NAALADL2: variants seen among roughly 807,000 people sequenced by gnomAD.
The protein encoded by NAALADL2 is N-acetylated alpha-linked acidic dipeptidase like 2.
In NAALADL2, 76 loss-of-function variants were observed where a neutral mutation model predicts 87.2. The ratio of observed to expected loss-of-function variants is 0.87; its 90% CI spans 0.72 to 1.05. NAALADL2 has a LOEUF of 1.05. Among genes scored for constraint, NAALADL2 ranks in the 50% least tolerant of loss-of-function variants. NAALADL2 has a pLI of 0.00. For missense variants in NAALADL2, 1,089 were observed against 945.8 expected (o/e 1.15, Z -1.99); for synonymous variants, 354 against 331.0 (o/e 1.07, Z -0.75).
intron 9 of NAALADL2, among the ~76,000 whole-genome samples, chr3:175,519,446 G>A (rs548694747): frequency 1.4e-3 from 206 of 152,228 alleles, no homozygotes; most frequent in Non-Finnish European, 1.2e-3. Flanking sequence ...TTTCAACATG[G>A]GTTTTGGAAG....
chr3:175,260,464 G>A (rs1212275825), intron 4 of NAALADL2, among the ~76,000 whole-genome samples: 1 of 152,078 alleles, frequency 6.6e-6, no homozygotes, highest in Non-Finnish European at 1.5e-5. Context: ...CATTCCATTG[G>A]TAAGAAAAAG....
chr3:175,199,864 A>ATTTTT (rs869050569), intron 2 of NAALADL2, among the ~76,000 whole-genome samples: 5 of 13,052 alleles, frequency 3.8e-4, no homozygotes, highest in Non-Finnish European at 5.8e-4. Flanking sequence ...ATATATATAT[A>ATTTTT]TTTTTTTTTT....
At chr3:175,739,865 C>T (rs1390111612) in intron 12 of NAALADL2, among the ~76,000 whole-genome samples, 1 of 152,158 alleles carries the variant, frequency 6.6e-6, no homozygotes, top group Non-Finnish European at 1.5e-5. Flanking sequence ...ATATCAATCA[C>T]TAAATGCCAT....
chr3:175,670,503 T>A (rs1733824300), intron 11 of NAALADL2, among the ~76,000 whole-genome samples: 1 of 61,134 alleles, frequency 1.6e-5, no homozygotes. Flanking sequence ...ATTTAATATA[T>A]TTATATTAAA....
intron 3 of NAALADL2, among the ~76,000 whole-genome samples, chr3:174,824,795 A>G (rs1721803063): frequency 6.6e-6 from 1 of 152,230 alleles, no homozygotes; most frequent in Non-Finnish European, 1.5e-5. Context: ...CAAAATGGCC[A>G]TACTGTTCCT....
chr3:174,807,296 C>G (rs930120142), intron 3 of NAALADL2, among the ~76,000 whole-genome samples: 2 of 151,078 alleles, frequency 1.3e-5, no homozygotes, highest in Non-Finnish European at 2.9e-5. Flanking sequence ...ACAGAACTTG[C>G]ACAGTGAAGT....
chr3:175,762,742 C>A (rs1748186420), intron 13 of NAALADL2, among the ~76,000 whole-genome samples: 1 of 152,056 alleles, frequency 6.6e-6, no homozygotes, highest in Non-Finnish European at 1.5e-5. Flanking sequence ...GCAACATCTT[C>A]ATAGAAAATA....
At chr3:174,876,313 C>G (rs1247594883) in intron 1 of NAALADL2, among the ~76,000 whole-genome samples, 1 of 152,062 alleles carries the variant, frequency 6.6e-6, no homozygotes, top group Non-Finnish European at 1.5e-5. Context: ...TTGATATTTT[C>G]TTTGTTTGTT....
intron 1 of NAALADL2, among the ~76,000 whole-genome samples, chr3:174,993,203 G>A (rs376828205): frequency 1.8e-4 from 27 of 152,126 alleles, no homozygotes; most frequent in South Asian, 2.1e-4. Context: ...AGTAAGAGCC[G>A]TAGAAAAGAA....
At chr3:175,016,576 T>A (rs564437599) in intron 1 of NAALADL2, among the ~76,000 whole-genome samples, 3 of 151,714 alleles carry the variant, frequency 2.0e-5, no homozygotes, top group African/African-American at 4.8e-5. Flanking sequence ...TTAAAAAAAA[T>A]TTAATTTGTG....
intron 4 of NAALADL2, among the ~76,000 whole-genome samples, chr3:175,277,367 C>CA (rs1376687552): frequency 6.6e-6 from 1 of 152,154 alleles, no homozygotes; most frequent in Non-Finnish European, 1.5e-5. Flanking sequence ...TAAACTGTAT[C>CA]ATGAGATTAT....
intron 1 of NAALADL2, among the ~76,000 whole-genome samples, chr3:174,900,139 G>T (rs1732135726): frequency 6.6e-6 from 1 of 151,898 alleles, no homozygotes; most frequent in Admixed American, 6.6e-5. Flanking sequence ...CATTTACAAA[G>T]CACCAATAAT....
chr3:175,559,049 A>T (rs1175065829), intron 9 of NAALADL2, among the ~76,000 whole-genome samples: 1 of 152,078 alleles, frequency 6.6e-6, no homozygotes, highest in Non-Finnish European at 1.5e-5. Context: ...GATTTTTTTC[A>T]ATATATGAAC....
intron 1 of NAALADL2, among the ~76,000 whole-genome samples, chr3:174,953,611 C>T (rs2108521576): frequency 6.6e-6 from 1 of 151,894 alleles, no homozygotes; most frequent in African/African-American, 2.4e-5. Flanking sequence ...AGGATGCAGC[C>T]ATGAATATAT....
intron 1 of NAALADL2, among the ~76,000 whole-genome samples, chr3:174,880,073 T>A (rs911571800): frequency 6.6e-6 from 1 of 152,026 alleles, no homozygotes; most frequent in African/African-American, 2.4e-5. Context: ...GCCCCGGGGC[T>A]CAACCCATGA....
intron 2 of NAALADL2, among the ~76,000 whole-genome samples, chr3:175,176,280 A>G (rs541554027): frequency 6.6e-6 from 1 of 152,114 alleles, no homozygotes; most frequent in South Asian, 2.1e-4. Context: ...CATCATTATT[A>G]TGTGATAATA....
At chr3:175,244,799 A>G (rs1012968299) in intron 3 of NAALADL2, among the ~76,000 whole-genome samples, 1 of 152,160 alleles carries the variant, frequency 6.6e-6, no homozygotes, top group Non-Finnish European at 1.5e-5. Flanking sequence ...GACTTCCCCT[A>G]TTAAAGTAAT....
At chr3:174,490,662 A>G (rs1718129998) in intron 1 of NAALADL2, among the ~76,000 whole-genome samples, 1 of 151,872 alleles carries the variant, frequency 6.6e-6, no homozygotes, top group Non-Finnish European at 1.5e-5. Context: ...TAGAGGAGAA[A>G]AATCTTAGAT....
intron 5 of NAALADL2, among the ~76,000 whole-genome samples, chr3:175,431,673 T>G (rs16825696): frequency 0.067 from 10,180 of 152,060 alleles, 809 homozygotes; most frequent in African/African-American, 0.18. Flanking sequence ...CAAAAGTTCT[T>G]TGTATGCAGA....
Sources: allele counts gnomAD v4.1 joint callset (sites outside exome capture counted in the v4.1 genomes callset), GRCh38; gene constraint gnomAD v4.1.1; transcripts MANE v1.5; gene names NCBI Gene and HGNC (gene_info 2026-07-23, HGNC 2026-07-21).